Variants in PRKCE observed in about 807,000 individuals in gnomAD.
The protein encoded by PRKCE is protein kinase C epsilon type.
Under a neutral mutation model 85.4 loss-of-function variants are expected in PRKCE, and 16 were observed. The ratio of observed to expected loss-of-function variants is 0.19; its 90% confidence interval spans 0.13 to 0.28. The LOEUF is 0.28. PRKCE is among the 10% of genes least tolerant of loss of function. The pLI is 1.00. For synonymous variants in PRKCE, 388 were observed against 371.5 expected (o/e 1.04, Z -0.51); for missense variants, 573 against 975.2 (o/e 0.59, Z 5.49).
intron 11 of PRKCE, among the ~76,000 whole-genome samples, chr2:46,118,979 T>C (rs971925183): frequency 2.6e-5 from 4 of 151,840 alleles, no homozygotes; most frequent in African/African-American, 7.3e-5. Flanking sequence ...GGGTTAGAAG[T>C]AGAGGGGGAA....
intron 1 of PRKCE, among the ~76,000 whole-genome samples, chr2:45,776,855 G>A (rs544306968): frequency 2.6e-5 from 4 of 152,166 alleles, no homozygotes; most frequent in Non-Finnish European, 5.9e-5. Flanking sequence ...AAACTCATTT[G>A]AAGAGTCCAC....
intron 11 of PRKCE, among the ~76,000 whole-genome samples, chr2:46,090,962 A>G (rs1376703932): frequency 1.3e-5 from 2 of 152,228 alleles, no homozygotes; most frequent in Non-Finnish European, 2.9e-5. Context: ...TGGAATTGAT[A>G]TACAAACTAA....
rs1258191129 is a variant in PRKCE at position 45,652,044 on chromosome 2, T to A, written c.-57T>A. ...CTCGGAGTGCCGGGCCGTCGGTTCT[T>A]CATTCCTGCCCTCGGGGCAGACGGA... On this transcript the variant is annotated 5_prime_UTR_variant, in exon 1 of 15. Coordinates refer to ENST00000306156, the MANE Select transcript of PRKCE (RefSeq NM_005400.3). This position sits in a 1 kb window ranked among gnomAD's most constrained non-coding sequence, Gnocchi z 7.7. 7.1e-7 allele frequency: 1 copy of A among 1,403,370 alleles called. No homozygotes were observed. Among genetic ancestry groups the A allele is most frequent in the Non-Finnish European group, 9.7e-7 (1 of 1,032,106 alleles). The allele number at this position is 1,403,370 out of a possible 1,614,324, so 86.9% of individuals were successfully genotyped here. A position where few individuals can be genotyped will look rare whatever the true frequency, so the allele number is the denominator to read the frequency against.
chr2:45,661,019 G>A (rs1305382578), intron 1 of PRKCE, among the ~76,000 whole-genome samples: 2 of 152,178 alleles, frequency 1.3e-5, no homozygotes, highest in Non-Finnish European at 1.5e-5. Context: ...ATGCTGAAAT[G>A]AGGATCTCCT....
chr2:45,906,276 G>A (rs144225157), intron 2 of PRKCE, among the ~76,000 whole-genome samples: 3 of 152,356 alleles, frequency 2.0e-5, no homozygotes, highest in Non-Finnish European at 2.9e-5. Flanking sequence ...TGCTCACAGG[G>A]CATAGGCAGC....
At chr2:46,108,706 A>G (rs551028781) in intron 11 of PRKCE, among the ~76,000 whole-genome samples, 7 of 152,366 alleles carry the variant, frequency 4.6e-5, no homozygotes, top group African/African-American at 1.7e-4. Context: ...AATAAAGTCC[A>G]ACTGATCAAT....
intron 2 of PRKCE, among the ~76,000 whole-genome samples, chr2:45,886,702 C>T (rs902781146): frequency 6.6e-6 from 1 of 152,202 alleles, no homozygotes; most frequent in South Asian, 2.1e-4. Flanking sequence ...CTAAAGGAAG[C>T]ATTGCACTTC....
chr2:45,688,799 G>C (rs998220701), intron 1 of PRKCE, among the ~76,000 whole-genome samples: 1 of 152,182 alleles, frequency 6.6e-6, no homozygotes, highest in African/African-American at 2.4e-5. Flanking sequence ...TATTTGTTAT[G>C]ATAATTTTAT....
chr2:45,814,204 GA>G (rs1453060542), intron 1 of PRKCE, among the ~76,000 whole-genome samples: 6 of 152,200 alleles, frequency 3.9e-5, no homozygotes, highest in Admixed American at 1.3e-4. Context: ...GCCAGGTTGA[GA>G]AAAATTTTGA....
chr2:45,843,193 G>A (rs1691502454), intron 2 of PRKCE, 130 bp downstream of exon 2: 2 of 860,940 alleles, frequency 2.3e-6, no homozygotes, highest in African/African-American at 1.7e-5. Flanking sequence ...TAAAGGAAAA[G>A]GTTATTTTGA....
chr2:45,879,678 C>G (rs909844812), intron 2 of PRKCE, among the ~76,000 whole-genome samples: 2 of 152,212 alleles, frequency 1.3e-5, no homozygotes, highest in South Asian at 2.1e-4. Flanking sequence ...TGCCTGCTCC[C>G]CCTCCCACGA....
At chr2:45,693,474 C>T (rs1161157339) in intron 1 of PRKCE, among the ~76,000 whole-genome samples, 3 of 152,094 alleles carry the variant, frequency 2.0e-5, no homozygotes, top group Non-Finnish European at 4.4e-5. Context: ...GGGCAAGGCC[C>T]AGGTTTAGGG....
intron 1 of PRKCE, among the ~76,000 whole-genome samples, chr2:45,747,385 G>C (rs1269668801): frequency 6.6e-6 from 1 of 152,072 alleles, no homozygotes; most frequent in East Asian, 1.9e-4. Context: ...CACATCCCCT[G>C]GAAGCCACTC....
chr2:45,974,881 T>C (rs1310845480), intron 2 of PRKCE, among the ~76,000 whole-genome samples: 6 of 152,044 alleles, frequency 3.9e-5, no homozygotes, highest in Admixed American at 3.9e-4. Context: ...TAGGAGACCT[T>C]CTAGAAGGTG....
chr2:45,839,503 A>C (rs748907625), intron 1 of PRKCE, among the ~76,000 whole-genome samples: 10 of 152,152 alleles, frequency 6.6e-5, no homozygotes, highest in Admixed American at 2.0e-4. Context: ...AACTGGGAGG[A>C]GCCTGGTGCA....
intron 11 of PRKCE, among the ~76,000 whole-genome samples, chr2:46,111,505 C>A (rs750355461): frequency 1.3e-5 from 2 of 152,150 alleles, no homozygotes; most frequent in Admixed American, 6.5e-5. Flanking sequence ...CCTTCCATCC[C>A]CTTACCCTGA....
chr2:46,116,279 G>A (rs776439466), intron 11 of PRKCE, among the ~76,000 whole-genome samples: 7 of 152,178 alleles, frequency 4.6e-5, no homozygotes, highest in Non-Finnish European at 7.3e-5. Flanking sequence ...AGAATGTCAC[G>A]TGAGAGTTGC....
chr2:45,856,681 C>T (rs1186433157), intron 2 of PRKCE, among the ~76,000 whole-genome samples: 3 of 152,206 alleles, frequency 2.0e-5, no homozygotes, highest in Non-Finnish European at 2.9e-5. Context: ...TTGTACCCAT[C>T]GACCAACTTC....
chr2:45,839,689 T>A (rs1691190933), intron 1 of PRKCE, among the ~76,000 whole-genome samples: 1 of 152,200 alleles, frequency 6.6e-6, no homozygotes, highest in Admixed American at 6.5e-5. Context: ...AATTTATGAT[T>A]AAACTAATTC....
Sources: gnomAD v4.1 joint callset for allele counts (sites outside exome capture counted in the v4.1 genomes callset) on GRCh38, gnomAD v4.1.1 for gene constraint, Gnocchi (gnomAD v3.1) non-coding constraint, MANE v1.5 for transcripts, NCBI Gene and HGNC (gene_info 2026-07-23, HGNC 2026-07-21) for gene names.